SLIT3: variants seen among roughly 807,000 people sequenced by gnomAD.
The protein encoded by SLIT3 is slit guidance ligand 3.
SLIT3 carries 68 observed loss-of-function variants against 184.0 expected under a neutral mutation model. The ratio of observed to expected loss-of-function variants is 0.37; its 90% CI spans 0.30 to 0.45. The LOEUF (loss-of-function observed/expected upper bound fraction) is 0.45. Ranked by LOEUF, SLIT3 falls within the 20% of genes least tolerant of loss-of-function variation. The pLI, the probability that SLIT3 is intolerant of heterozygous loss-of-function variation, is 1.00. For synonymous variants in SLIT3, 831 were observed against 828.6 expected, an observed-to-expected ratio of 1.00 and a Z score of -0.05; for missense variants, 1,707 against 2,026.0, an observed-to-expected ratio of 0.84 and a Z score of 3.02.
At chr5:168,795,687 C>T (rs1756541733) in intron 9 of SLIT3, 109 bp from the exon 10 acceptor site, 1 of 860,660 alleles carries the variant, frequency 1.2e-6, no homozygotes. Context: ...TTTTTTGTCA[C>T]AGGTGCACGG....
intron 10 of SLIT3, among the ~76,000 whole-genome samples, chr5:168,793,913 C>T (rs944746715): frequency 6.6e-5 from 10 of 152,084 alleles, no homozygotes; most frequent in Non-Finnish European, 1.5e-4. Context: ...AGCAGGAATG[C>T]TGCCAAGAGG....
At chr5:168,954,990 C>G (rs1214951300) in intron 4 of SLIT3, among the ~76,000 whole-genome samples, 1 of 151,758 alleles carries the variant, frequency 6.6e-6, no homozygotes, top group Non-Finnish European at 1.5e-5. Flanking sequence ...ACCTTTTCTT[C>G]CAGAGACTTC....
At chr5:169,276,170 GC>G (rs749723516) in intron 1 of SLIT3, among the ~76,000 whole-genome samples, 3 of 152,118 alleles carry the variant, frequency 2.0e-5, no homozygotes, top group Non-Finnish European at 4.4e-5. Context: ...AGGGTTTCTG[GC>G]CCATCAGACA....
chr5:169,068,615 G>A (rs1473556465), intron 4 of SLIT3, among the ~76,000 whole-genome samples: 1 of 152,036 alleles, frequency 6.6e-6, no homozygotes, highest in Admixed American at 6.5e-5. Flanking sequence ...GGCAACTCAG[G>A]GTTGACAGAA....
intron 12 of SLIT3, among the ~76,000 whole-genome samples, chr5:168,783,902 A>C (rs964052026): frequency 1.3e-5 from 2 of 152,184 alleles, no homozygotes; most frequent in African/African-American, 4.8e-5. Context: ...ACTCGATTCC[A>C]TCTGCTCAAA....
chr5:168,734,162 T>C (rs1236689300), intron 20 of SLIT3, among the ~76,000 whole-genome samples: 4 of 152,230 alleles, frequency 2.6e-5, no homozygotes, highest in African/African-American at 7.2e-5. Flanking sequence ...CCTGTACTTG[T>C]ACCTCCTAAA....
chr5:168,681,009 C>T (rs142887582), intron 32 of SLIT3, among the ~76,000 whole-genome samples: 414 of 152,230 alleles, frequency 2.7e-3, no homozygotes, highest in Non-Finnish European at 4.6e-3. Flanking sequence ...AAAAATTAGA[C>T]GTTGTGATGC....
chr5:169,123,199 A>G (rs1232355095), intron 4 of SLIT3, among the ~76,000 whole-genome samples: 1 of 152,322 alleles, frequency 6.6e-6, no homozygotes, highest in East Asian at 1.9e-4. Context: ...TTCAGTTTGT[A>G]AAGAATCTCT....
At position 168,919,017 on chromosome 5, in the gene SLIT3, T is replaced by C. The variant is rs78871248; in HGVS notation, c.414-35681A>G. On this transcript the variant is annotated intron_variant, in intron 4 of 35. Transcript: ENST00000519560. The stretch of plus-strand genomic sequence containing the variant: ...ATGTGCAAAATACACATAGGATACT[T>C]TGGGAGGCTGAGGCGGGTGGATCAC... Among the ~76,000 whole-genome samples the C allele has an allele frequency of 2.1e-4, 32 of 152,140 alleles. No homozygotes were observed. The East Asian group carries it at 5.0e-3, about 24-fold the overall frequency.
At chr5:168,716,952 C>G (rs1208699974) in intron 23 of SLIT3, among the ~76,000 whole-genome samples, 36 of 142,806 alleles carry the variant, frequency 2.5e-4, no homozygotes, top group Non-Finnish European at 3.8e-4. Context: ...ACTCCTGCCC[C>G]CAGAAGCCAC....
At chr5:168,988,055 G>T (rs1450019432) in intron 4 of SLIT3, among the ~76,000 whole-genome samples, 2 of 152,210 alleles carry the variant, frequency 1.3e-5, no homozygotes, top group Non-Finnish European at 2.9e-5. Flanking sequence ...CAGAAAGCCT[G>T]CGGGGTTTAG....
chr5:169,031,730 A>T (rs762741089), intron 4 of SLIT3, among the ~76,000 whole-genome samples: 1 of 152,180 alleles, frequency 6.6e-6, no homozygotes, highest in African/African-American at 2.4e-5. Flanking sequence ...CATACACAGC[A>T]AGTTGGGTAG....
At chr5:169,158,299 A>C (rs571415207) in intron 4 of SLIT3, among the ~76,000 whole-genome samples, 1 of 152,346 alleles carries the variant, frequency 6.6e-6, no homozygotes, top group South Asian at 2.1e-4. Flanking sequence ...GAAACCATGA[A>C]GTCCAGAAGG....
chr5:168,850,609 CA>C (rs1260785318), intron 5 of SLIT3, among the ~76,000 whole-genome samples: 1 of 152,242 alleles, frequency 6.6e-6, no homozygotes. Flanking sequence ...TTGTAAAGGA[CA>C]AAGTCCTAGG....
chr5:168,920,038 C>T (rs1273177299), intron 4 of SLIT3, among the ~76,000 whole-genome samples: 4 of 152,126 alleles, frequency 2.6e-5, no homozygotes, highest in East Asian at 1.9e-4. Flanking sequence ...GTTTCTACTA[C>T]GTGGAAGTGA....
intron 3 of SLIT3, among the ~76,000 whole-genome samples, chr5:169,239,911 G>A (rs987384496): frequency 6.6e-6 from 1 of 151,978 alleles, no homozygotes; most frequent in Non-Finnish European, 1.5e-5. Flanking sequence ...ATAGCTTAAA[G>A]GCTATACATT....
chr5:168,712,455 C>G, intron 23 of SLIT3, 101 bp from the exon 24 acceptor site: 1 of 1,000,720 alleles, frequency 1.0e-6, no homozygotes, highest in Non-Finnish European at 1.6e-6. Context: ...TTCAGTTTTG[C>G]TCAGAGCCCC....
intron 5 of SLIT3, among the ~76,000 whole-genome samples, chr5:168,860,754 G>A (rs1759073388): frequency 6.6e-6 from 1 of 152,146 alleles, no homozygotes. Context: ...TAGCCCTTAT[G>A]CCCCAAGGCC....
intron 26 of SLIT3, chr5:168,707,594 T>G: frequency 5.7e-6 from 1 of 176,772 alleles, no homozygotes. Context: ...GGCAGGGGCA[T>G]GGTGGGGTGG....
Sources: gnomAD v4.1 joint callset for allele counts (sites outside exome capture counted in the v4.1 genomes callset) on GRCh38, gnomAD v4.1.1 for gene constraint, MANE v1.5 for transcripts, NCBI Gene and HGNC (gene_info 2026-07-23, HGNC 2026-07-21) for gene names.